MINDY4: variants seen among roughly 807,000 people sequenced by gnomAD.
MINDY4 encodes probable ubiquitin carboxyl-terminal hydrolase MINDY-4.
MINDY4 carries 68 observed loss-of-function variants against 87.0 expected under a neutral mutation model. The ratio of observed to expected loss-of-function variants is 0.78; its 90% confidence interval spans 0.64 to 0.96. The LOEUF (loss-of-function observed/expected upper bound fraction) is 0.96. MINDY4 is among the 40% of genes least tolerant of loss of function. MINDY4 has a pLI of 0.00. For missense variants in MINDY4, 919 were observed against 928.2 expected (o/e 0.99, Z 0.13); for synonymous variants, 379 against 363.2 (o/e 1.04, Z -0.50).
intron 5 of MINDY4, among the ~76,000 whole-genome samples, chr7:30,805,830 G>T (rs1390845347): frequency 6.6e-6 from 1 of 152,198 alleles, no homozygotes; most frequent in Non-Finnish European, 1.5e-5. Context: ...AAAGAAGAAG[G>T]TTAAGGAATA....
intron 4 of MINDY4, among the ~76,000 whole-genome samples, chr7:30,790,286 C>A (rs1445876449): frequency 6.6e-6 from 1 of 152,042 alleles, no homozygotes. Context: ...CCACATACTG[C>A]CTTTACTAGG....
intron 6 of MINDY4, among the ~76,000 whole-genome samples, chr7:30,835,517 A>G (rs1459569015): frequency 6.6e-6 from 1 of 152,216 alleles, no homozygotes; most frequent in African/African-American, 2.4e-5. Context: ...TTTAAATTCC[A>G]GACTTTATTC....
chr7:30,852,940 G>A (rs1789457603), intron 11 of MINDY4, among the ~76,000 whole-genome samples: 1 of 152,126 alleles, frequency 6.6e-6, no homozygotes, highest in Non-Finnish European at 1.5e-5. Context: ...TTCCTGGCCT[G>A]CCTGAAAAAG....
chr7:30,804,454 G>A (rs777648064), intron 5 of MINDY4, among the ~76,000 whole-genome samples: 1 of 152,082 alleles, frequency 6.6e-6, no homozygotes, highest in African/African-American at 2.4e-5. Flanking sequence ...TTGCTTGTTC[G>A]AATGGTGTTG....
chr7:30,799,355 C>T (rs1007679227), intron 5 of MINDY4, among the ~76,000 whole-genome samples: 2 of 152,150 alleles, frequency 1.3e-5, no homozygotes, highest in Non-Finnish European at 2.9e-5. Flanking sequence ...AGACTATAGG[C>T]TCCTCTGAGC....
chr7:30,786,071 T>C lies in MINDY4; in HGVS notation c.663+79T>C, dbSNP rs576056533. The C allele has an allele frequency of 9.0e-5, 142 of 1,573,734 alleles. No homozygotes were observed. In the African/African-American group the frequency reaches 1.7e-3, roughly 19 times the overall value. ...GGGCTTAAGGCACGCCTGGGTTTAT[T>C]TGGGGTACCCCACAGGGCAGTCCGA... On this transcript the variant is annotated intron_variant, in intron 4 of 17. Coordinates refer to ENST00000265299, the MANE Select transcript of MINDY4 (RefSeq NM_032222.3).
At chr7:30,889,589 C>A (rs552309571) in intron 17 of MINDY4, among the ~76,000 whole-genome samples, 8 of 152,178 alleles carry the variant, frequency 5.3e-5, no homozygotes, top group African/African-American at 1.9e-4. Flanking sequence ...TGAAGATGAA[C>A]GCTCTGATAT....
chr7:30,872,960 A>G (rs930495250), intron 14 of MINDY4, among the ~76,000 whole-genome samples: 16 of 152,248 alleles, frequency 1.1e-4, no homozygotes, highest in African/African-American at 3.6e-4. Context: ...CACAGGCCAC[A>G]GTGAAATCTG....
At chr7:30,827,358 C>G (rs548396570) in intron 5 of MINDY4, among the ~76,000 whole-genome samples, 1 of 152,208 alleles carries the variant, frequency 6.6e-6, no homozygotes, top group South Asian at 2.1e-4. Context: ...GTCCTCAGCC[C>G]TTTGTTGCAG....
intron 17 of MINDY4, among the ~76,000 whole-genome samples, chr7:30,884,456 G>A (rs542075984): frequency 1.3e-5 from 2 of 152,360 alleles, no homozygotes; most frequent in East Asian, 1.9e-4. Context: ...AATGATGAGA[G>A]AAAGGCAGCA....
At chr7:30,786,394 C>G in intron 4 of MINDY4, 1 of 170,654 alleles carries the variant, frequency 5.9e-6, no homozygotes, top group South Asian at 1.6e-4. Context: ...GGAAGAATTG[C>G]TTGAGCCTAG....
At position 30,853,572 on chromosome 7, in the gene MINDY4, C is replaced by T. The variant is rs1035360994; in HGVS notation, c.1677+113C>T. On this transcript the variant is annotated intron_variant, in intron 12 of 17. Transcript: ENST00000265299. Reference sequence around the variant, plus strand: ...CTCCTGTCGTCCCACCCTGGGATGGCGAGGAAGCTGGGAAGGAGTAATGCT... The same window carrying T: ...CTCCTGTCGTCCCACCCTGGGATGGTGAGGAAGCTGGGAAGGAGTAATGCT... 16 of 966,660 alleles carry T rather than the reference C, an allele frequency of 1.7e-5. No individual in the cohort carries two copies. The Admixed American group carries it at 1.8e-4, about 11-fold the overall frequency. The allele number at this position is 966,660 out of a possible 1,614,324, so 59.9% of individuals were successfully genotyped here. A position where few individuals can be genotyped will look rare whatever the true frequency, so the allele number is the denominator to read the frequency against.
At chr7:30,857,197 C>T (rs958116319) in intron 12 of MINDY4, among the ~76,000 whole-genome samples, 7 of 152,178 alleles carry the variant, frequency 4.6e-5, no homozygotes, top group African/African-American at 1.2e-4. Context: ...GACCTTTGCA[C>T]GTGCTTCTCC....
At chr7:30,803,622 C>T (rs1787724411) in intron 5 of MINDY4, among the ~76,000 whole-genome samples, 1 of 152,072 alleles carries the variant, frequency 6.6e-6, no homozygotes, top group Non-Finnish European at 1.5e-5. Flanking sequence ...TCTTATTCTT[C>T]AGGCCTTATT....
intron 13 of MINDY4, 147 bp downstream of exon 13, chr7:30,859,471 A>G (rs1789684255): frequency 1.3e-6 from 1 of 758,434 alleles, no homozygotes; most frequent in South Asian, 1.7e-5. Context: ...GGAGTAGGGG[A>G]AGGTCTGCTG....
At chr7:30,772,232 AGC>A (rs1562525963) in intron 1 of MINDY4, among the ~76,000 whole-genome samples, 1 of 152,104 alleles carries the variant, frequency 6.6e-6, no homozygotes, top group Non-Finnish European at 1.5e-5. Context: ...TAGCTCATTC[AGC>A]ACATGGTGAC....
chr7:30,791,514 T>C lies in MINDY4; in HGVS notation c.1013T>C (p.Met338Thr). Residue 338 changes from methionine to threonine, a missense_variant, in exon 5 of 18, where the codon ATG becomes ACG. Coordinates refer to ENST00000265299, the MANE Select transcript of MINDY4 (RefSeq NM_032222.3). Reference protein sequence around the residue: ...KLYLPGGNSRMTQERLERAFK... With the variant: ...KLYLPGGNSRTTQERLERAFK... Reference sequence around the variant, plus strand: ...TACTTGCCTGGTGGTAATTCCAGGATGACCCAGGAGAGGCTGGAAAGAGCG... The same window carrying C: ...TACTTGCCTGGTGGTAATTCCAGGACGACCCAGGAGAGGCTGGAAAGAGCG... The C allele has an allele frequency of 6.2e-7, 1 of 1,613,992 alleles. No homozygotes were observed. The highest frequency in any genetic ancestry group is 8.5e-7 in the Non-Finnish European group (1 of 1,179,940).
At chr7:30,858,180 G>A (rs1214456603) in intron 12 of MINDY4, 1 of 152,166 alleles carries the variant, frequency 6.6e-6, no homozygotes, top group Non-Finnish European at 1.5e-5. Flanking sequence ...AGGTGGGGAT[G>A]GTGTTTCTCC....
chr7:30,880,677 C>T (rs1790438318), intron 15 of MINDY4, among the ~76,000 whole-genome samples: 2 of 152,170 alleles, frequency 1.3e-5, no homozygotes, highest in Admixed American at 6.5e-5. Flanking sequence ...GCCAAGTTTA[C>T]GTGGGGTTTA....
Sources: gnomAD v4.1 joint callset for allele counts (sites outside exome capture counted in the v4.1 genomes callset) on GRCh38, gnomAD v4.1.1 for gene constraint, MANE v1.5 for transcripts, NCBI Gene and HGNC (gene_info 2026-07-23, HGNC 2026-07-21) for gene names.